THRAP3: variants seen among roughly 807,000 people sequenced by gnomAD.
THRAP3 encodes thyroid hormone receptor associated protein 3, also known as thyroid hormone receptor-associated protein 3.
Under a neutral mutation model 101.0 loss-of-function variants are expected in THRAP3, and 16 were observed. That is an observed-to-expected ratio of 0.16 (90% confidence interval 0.11 to 0.24). The LOEUF (loss-of-function observed/expected upper bound fraction) is 0.24. Ranked by LOEUF, THRAP3 falls within the 10% of genes least tolerant of loss-of-function variation. The pLI, the probability that THRAP3 is intolerant of heterozygous loss-of-function variation, is 1.00. For synonymous variants in THRAP3, 407 were observed against 422.6 expected (o/e 0.96, Z 0.45); for missense variants, 989 against 1,202.7 (o/e 0.82, Z 2.63).
intron 1 of THRAP3, among the ~76,000 whole-genome samples, chr1:36,258,559 T>G (rs1339120282): frequency 6.6e-6 from 1 of 152,008 alleles, no homozygotes; most frequent in Non-Finnish European, 1.5e-5. Flanking sequence ...CACCGCAAGC[T>G]CCACCTCCTG....
chr1:36,296,556 C>T, intron 8 of THRAP3, 27 bp from the exon 9 acceptor site: 1 of 1,507,920 alleles, frequency 6.6e-7, no homozygotes, highest in Non-Finnish European at 8.8e-7. Context: ...ATCCCAGAAA[C>T]CTTAATTTTG....
chr1:36,259,847 C>T (rs527755492), intron 2 of THRAP3, among the ~76,000 whole-genome samples: 2 of 151,994 alleles, frequency 1.3e-5, no homozygotes, highest in African/African-American at 4.8e-5. Context: ...AAACAGTATT[C>T]GTTTGAAAAA....
chr1:36,268,261 G>C (rs1453706477), intron 2 of THRAP3, among the ~76,000 whole-genome samples: 2 of 148,806 alleles, frequency 1.3e-5, no homozygotes. Flanking sequence ...TTTTTTTTCT[G>C]TGCAGTTTAG....
rs543995657 is a variant in THRAP3 at position 36,279,334 on chromosome 1, G to A, written c.-31-3199G>A. Among the ~76,000 whole-genome samples, 9 of 152,256 alleles carry A rather than the reference G, an allele frequency of 5.9e-5. No individual in the cohort carries two copies. The South Asian group carries it at 1.9e-3, about 32-fold the overall frequency. On this transcript the variant is annotated intron_variant, in intron 2 of 11. Coordinates refer to ENST00000354618, the MANE Select transcript of THRAP3 (RefSeq NM_005119.4). ...GACAGTCTGTTACTAGGCAGACATA[G>A]ATAGATATCCCTGAACTTGTGACAG...
At chr1:36,229,412 GTTTTTTTT>G (rs1453155517) in intron 1 of THRAP3, among the ~76,000 whole-genome samples, 3 of 80,958 alleles carry the variant, frequency 3.7e-5, no homozygotes, top group Non-Finnish European at 6.4e-5. Context: ...TTTTTTTTTT[GTTTTTTTT>G]TTGTTTTTTT....
rs374822729 is a variant in THRAP3 at position 36,275,437 on chromosome 1, A to ACTAGC, written c.-31-7094_-31-7090dup. Among the ~76,000 whole-genome samples, 386 of 149,576 alleles carry ACTAGC rather than the reference A, an allele frequency of 2.6e-3. 1 individual carries two copies. Among genetic ancestry groups the ACTAGC allele is most frequent in the African/African-American group, 9.2e-3 (374 of 40,524 alleles). ...CCTGTCTCTACTAAAAATACAAAAA[A>ACTAGC]CTAGCCAGGCGTGGTGGTGGGCACC... On this transcript the variant is annotated intron_variant, in intron 2 of 11. Coordinates refer to ENST00000354618, the MANE Select transcript of THRAP3 (RefSeq NM_005119.4).
chr1:36,213,588 G>C, the THRAP3 span, among the ~76,000 whole-genome samples: 1 of 152,070 alleles, frequency 6.6e-6, no homozygotes, highest in African/African-American at 2.4e-5. Flanking sequence ...GCTCACGTCT[G>C]TAATCCCAGC....
chr1:36,226,190 G>A (rs1455003665), intron 1 of THRAP3, among the ~76,000 whole-genome samples: 1 of 152,176 alleles, frequency 6.6e-6, no homozygotes, highest in African/African-American at 2.4e-5. Flanking sequence ...AGGAAGCTTG[G>A]AATATTTCTG....
At chr1:36,217,025 T>C in the THRAP3 span, among the ~76,000 whole-genome samples, 19 of 152,146 alleles carry the variant, frequency 1.2e-4, no homozygotes, top group Non-Finnish European at 1.6e-4. Context: ...ACCACATCTG[T>C]TTTGTTTACT....
At chr1:36,280,203 CAA>C (rs1481670005) in intron 2 of THRAP3, among the ~76,000 whole-genome samples, 3 of 152,106 alleles carry the variant, frequency 2.0e-5, no homozygotes, top group African/African-American at 7.2e-5. Context: ...CTCTATGCCT[CAA>C]AATTCTTATC....
the THRAP3 span, among the ~76,000 whole-genome samples, chr1:36,208,074 T>C: frequency 6.6e-5 from 10 of 152,206 alleles, no homozygotes; most frequent in Non-Finnish European, 1.5e-4. Context: ...ATTATAGGCA[T>C]GAGCCACCGC....
rs532301363 is a variant in THRAP3 at position 36,270,571 on chromosome 1, GTTTT to G, written c.-32+11089_-32+11092del. 2.2e-4 allele frequency among the ~76,000 whole-genome samples: 7 copies of G among 31,870 alleles called. No homozygotes were observed. In the Admixed American group the frequency reaches 2.7e-3, roughly 12 times the overall value. The allele number at this position is 31,870 out of a possible 152,430, so 20.9% of individuals were successfully genotyped here. A position where few individuals can be genotyped will look rare whatever the true frequency, so the allele number is the denominator to read the frequency against. On this transcript the variant is annotated intron_variant, in intron 2 of 11. Transcript: ENST00000354618. ...TAAAAATACAGTTCTATTTGTTTAG[GTTTT>G]TGTTTTTTTTTTTTTTTTTGAGACG...
At chr1:36,246,600 T>C (rs1366264797) in intron 1 of THRAP3, among the ~76,000 whole-genome samples, 2 of 152,028 alleles carry the variant, frequency 1.3e-5, no homozygotes, top group Admixed American at 6.6e-5. Context: ...CCCAGCACTT[T>C]GGGAGGCTGA....
At chr1:36,288,721 T>C in intron 4 of THRAP3, 1 of 985,470 alleles carries the variant, frequency 1.0e-6, no homozygotes, top group Non-Finnish European at 1.2e-6. Context: ...GGGTAAGACC[T>C]TAAGTTATTT....
At chr1:36,237,107 T>TGGA (rs1046518612) in intron 1 of THRAP3, among the ~76,000 whole-genome samples, 1 of 144,014 alleles carries the variant, frequency 6.9e-6, no homozygotes, top group African/African-American at 2.6e-5. Context: ...ACCTGGGAGG[T>TGGA]GGAGGTTGCG....
chr1:36,235,999 A>C (rs1356362247), intron 1 of THRAP3, among the ~76,000 whole-genome samples: 1 of 152,144 alleles, frequency 6.6e-6, no homozygotes, highest in South Asian at 2.1e-4. Flanking sequence ...CTGTAATCCC[A>C]GGACTTTGGG....
At chr1:36,267,038 G>A (rs1018619480) in intron 2 of THRAP3, among the ~76,000 whole-genome samples, 2 of 152,050 alleles carry the variant, frequency 1.3e-5, no homozygotes, top group Non-Finnish European at 1.5e-5. Flanking sequence ...ATGCCAACAC[G>A]CCCGGCTAAA....
intron 1 of THRAP3, among the ~76,000 whole-genome samples, chr1:36,255,030 G>C (rs970984958): frequency 1.3e-5 from 2 of 152,076 alleles, no homozygotes; most frequent in African/African-American, 4.8e-5. Flanking sequence ...ACATTGCACA[G>C]TTTTCTGTGG....
intron 2 of THRAP3, among the ~76,000 whole-genome samples, chr1:36,274,364 C>G (rs1645628984): frequency 1.3e-5 from 2 of 152,144 alleles, no homozygotes; most frequent in Non-Finnish European, 2.9e-5. Flanking sequence ...TCTACAGATT[C>G]AGCACACACA....
Sources: allele counts gnomAD v4.1 joint callset (sites outside exome capture counted in the v4.1 genomes callset), GRCh38; gene constraint gnomAD v4.1.1; transcripts MANE v1.5; gene names NCBI Gene and HGNC (gene_info 2026-07-23, HGNC 2026-07-21).